Variants in PHF3 observed in about 807,000 individuals in gnomAD.
PHF3 encodes the protein PHD finger protein 3.
PHF3 carries 41 observed loss-of-function variants against 178.4 expected under a neutral mutation model. The ratio of observed to expected loss-of-function variants is 0.23; its 90% CI spans 0.18 to 0.30. The LOEUF (loss-of-function observed/expected upper bound fraction) is 0.30. Ranked by LOEUF, PHF3 falls within the 10% of genes least tolerant of loss-of-function variation. The pLI is 1.00. For missense variants in PHF3, 2,346 were observed against 2,398.1 expected (o/e 0.98, Z 0.45); for synonymous variants, 842 against 800.5 (o/e 1.05, Z -0.88).
At chr6:63,667,064 C>T (rs1049066117) in intron 2 of PHF3, among the ~76,000 whole-genome samples, 3 of 151,964 alleles carry the variant, frequency 2.0e-5, no homozygotes, top group Non-Finnish European at 4.4e-5. Flanking sequence ...AGGCTGGTCT[C>T]GAACCCCTGG....
intron 1 of PHF3, among the ~76,000 whole-genome samples, 169 bp from the exon 2 acceptor site, chr6:63,646,358 A>G (rs1359992557): frequency 1.3e-5 from 2 of 152,178 alleles, no homozygotes; most frequent in East Asian, 1.9e-4. Flanking sequence ...GATTCGTTCT[A>G]CATTTCCAAA....
At position 63,718,302 on chromosome 6, in the gene PHF3, A is replaced by G. The variant is rs766884201; in HGVS notation, c.*4594A>G. On this transcript the variant is annotated 3_prime_UTR_variant, in exon 16 of 16. Transcript: ENST00000262043. ...ATCTGAACGTAAAATTGCAACTGTG[A>G]AAAGCTTTAAGGCAGCAATTCTCAA... Among the ~76,000 whole-genome samples, 4 of 152,138 alleles carry G rather than the reference A, an allele frequency of 2.6e-5. No individual in the cohort carries two copies. The South Asian group carries it at 8.3e-4, about 32-fold the overall frequency.
intron 6 of PHF3, among the ~76,000 whole-genome samples, chr6:63,697,374 A>G (rs1767277458): frequency 6.6e-6 from 1 of 152,226 alleles, no homozygotes; most frequent in Non-Finnish European, 1.5e-5. Context: ...GAGAGGAGAA[A>G]AAGTATGAAA....
At chr6:63,682,772 A>G (rs2149580788) in intron 3 of PHF3, among the ~76,000 whole-genome samples, 1 of 152,254 alleles carries the variant, frequency 6.6e-6, no homozygotes, top group African/African-American at 2.4e-5. Flanking sequence ...TTCCTATTGG[A>G]AAACCACTTT....
At chr6:63,642,374 A>T (rs1027179734) in intron 1 of PHF3, among the ~76,000 whole-genome samples, 20 of 152,192 alleles carry the variant, frequency 1.3e-4, no homozygotes, top group Non-Finnish European at 2.8e-4. Flanking sequence ...TATGTGTTGT[A>T]TTTGCTTATA....
intron 11 of PHF3, among the ~76,000 whole-genome samples, chr6:63,705,094 A>G (rs1005779081): frequency 6.6e-6 from 1 of 152,214 alleles, no homozygotes; most frequent in Admixed American, 6.5e-5. Flanking sequence ...CTCTTCAGGC[A>G]TGTATAGTCA....
intron 2 of PHF3, among the ~76,000 whole-genome samples, chr6:63,678,216 G>A (rs1209858566): frequency 1.4e-5 from 2 of 144,126 alleles, no homozygotes; most frequent in Non-Finnish European, 3.0e-5. Context: ...GTGAGACTCC[G>A]TCTCAAAAAA....
chr6:63,703,677 T>A lies in PHF3; in HGVS notation c.3367+6T>A. On this transcript the variant is annotated splice_donor_region_variant and intron_variant, in intron 11 of 15. Coordinates refer to ENST00000262043, the MANE Select transcript of PHF3 (RefSeq NM_001370348.2). ...CAACTGCAAAATCTGCATAGGTAAT[T>A]GGAAGTTTTTCTTCGTAAAATTTTG... The A allele has an allele frequency of 1.3e-6, 2 of 1,585,922 alleles. No individual in the cohort carries two copies. Among genetic ancestry groups the A allele is most frequent in the Non-Finnish European group, 1.7e-6 (2 of 1,171,980 alleles).
chr6:63,702,303 G>T (rs906578708), intron 9 of PHF3: 24 of 297,184 alleles, frequency 8.1e-5, no homozygotes, highest in African/African-American at 4.5e-4. Context: ...GAGGTACGGG[G>T]TCTAATTCTT....
rs745432425 is a variant in PHF3 at position 63,685,725 on chromosome 6, A to G, written c.2003A>G (p.Lys668Arg). Residue 668 changes from lysine (K) to arginine (R), a missense_variant, in exon 4 of 16, where the codon AAG becomes AGG. This residue lies in a region of PHF3 where 843 missense variants were observed against 795.2 expected (regional missense o/e 1.06). Coordinates refer to ENST00000262043, the MANE Select transcript of PHF3 (RefSeq NM_001370348.2). The part of the protein sequence containing the change: ...EDKLKLKKPE[K>R]NLQPRQRRSS... The stretch of plus-strand genomic sequence containing the variant: ...AAACTGAAACTGAAAAAACCTGAGA[A>G]GAACCTACAACCCCGCCAAAGAAGA... The G allele has an allele frequency of 9.9e-6, 16 of 1,614,132 alleles. No individual in the cohort carries two copies. Among genetic ancestry groups the G allele is most frequent in the Admixed American group, 1.7e-5 (1 of 60,024 alleles).
intron 2 of PHF3, among the ~76,000 whole-genome samples, chr6:63,662,773 G>A (rs1276315476): frequency 6.6e-6 from 1 of 152,162 alleles, no homozygotes; most frequent in African/African-American, 2.4e-5. Flanking sequence ...ACGATAAATT[G>A]TCATGGAATG....
chr6:63,711,756 G>C lies in PHF3; in HGVS notation c.4168G>C (p.Glu1390Gln). 1.2e-6 allele frequency: 2 copies of C among 1,613,512 alleles called. No homozygotes were observed. Among genetic ancestry groups the C allele is most frequent in the Non-Finnish European group, 1.7e-6 (2 of 1,179,828 alleles). ...KKSKIEVSTE[E>Q]APEEENDFFN... ...AAGTAAAATAGAAGTTTCTACAGAA[G>C]AAGCACCAGAGGAAGAAAATGACTT... is the stretch of plus-strand genomic sequence containing the variant. Residue 1390 changes from glutamate to glutamine, a missense_variant, in exon 16 of 16, where the codon GAA (glutamate) becomes CAA (glutamine). Glu to Gln is a conservative substitution (Grantham distance 29, BLOSUM62 2). Coordinates refer to ENST00000262043, the MANE Select transcript of PHF3 (RefSeq NM_001370348.2).
chr6:63,696,280 T>C (rs187304154), intron 6 of PHF3, among the ~76,000 whole-genome samples: 1 of 152,258 alleles, frequency 6.6e-6, no homozygotes, highest in East Asian at 1.9e-4. Context: ...AGTTTGACAA[T>C]GAAGGGACAG....
At chr6:63,709,112 C>A in intron 13 of PHF3, 39 bp from the exon 14 acceptor site, 3 of 1,047,616 alleles carry the variant, frequency 2.9e-6, no homozygotes, top group Non-Finnish European at 4.2e-6. Context: ...TAAAGATAAT[C>A]TATATATATT....
chr6:63,640,167 TG>T (rs1305848194), intron 1 of PHF3, among the ~76,000 whole-genome samples: 2 of 152,146 alleles, frequency 1.3e-5, no homozygotes, highest in Non-Finnish European at 2.9e-5. Flanking sequence ...AGATTTGAAG[TG>T]GGGGTGTAGA....
In PHF3 at chr6:63,719,696, T is replaced by C. The variant is rs2149622241; in HGVS notation, c.*5988T>C. Among the ~76,000 whole-genome samples the C allele has an allele frequency of 6.6e-6, 1 of 152,238 alleles. No individual in the cohort carries two copies. The highest frequency in any genetic ancestry group is 2.1e-4 in the South Asian group (1 of 4,828). On this transcript the variant is annotated 3_prime_UTR_variant, in exon 16 of 16. Coordinates refer to ENST00000262043, the MANE Select transcript of PHF3 (RefSeq NM_001370348.2). ...TTTCCATGGCATTGTTTAGAACCTA[T>C]TTTATGCCCAATTTTGAGATCTGTA... is the stretch of plus-strand genomic sequence containing the variant.
intron 15 of PHF3, 35 bp downstream of exon 15, chr6:63,711,397 A>G: frequency 6.6e-7 from 1 of 1,521,766 alleles, no homozygotes; most frequent in African/African-American, 1.4e-5. Context: ...ATAAGAATGA[A>G]ATAACATGGG....
intron 1 of PHF3, among the ~76,000 whole-genome samples, chr6:63,644,271 G>A (rs1280197366): frequency 6.6e-6 from 1 of 152,150 alleles, no homozygotes; most frequent in East Asian, 1.9e-4. Context: ...GCTTTGGTTT[G>A]CTGTATTGGA....
chr6:63,694,206 T>G (rs1767132500), intron 5 of PHF3, among the ~76,000 whole-genome samples: 1 of 152,210 alleles, frequency 6.6e-6, no homozygotes, highest in Non-Finnish European at 1.5e-5. Flanking sequence ...GAATTAAAAT[T>G]GCCAATAGGC....
Sources: gnomAD v4.1 joint callset for allele counts (sites outside exome capture counted in the v4.1 genomes callset) on GRCh38, gnomAD v4.1.1 for gene constraint, gnomAD v4.1.1 regional missense constraint, MANE v1.5 for transcripts, NCBI Gene and HGNC (gene_info 2026-07-23, HGNC 2026-07-21) for gene names.